The following CFAP54 variants were observed in gnomAD, a reference collection of about 807,000 sequenced individuals.
CFAP54 encodes the protein cilia and flagella associated protein 54.
In CFAP54, 290 loss-of-function variants were observed where a neutral mutation model predicts 370.4. That is an observed-to-expected ratio of 0.78 (90% CI 0.71 to 0.86). The LOEUF (loss-of-function observed/expected upper bound fraction) is 0.86, where lower values mean the gene tolerates loss of function less well. Among genes scored for constraint, CFAP54 ranks in the 40% least tolerant of loss-of-function variants. The pLI, the probability that CFAP54 is intolerant of heterozygous loss-of-function variation, is 0.00. For missense variants in CFAP54, 3,399 were observed against 3,528.7 expected (o/e 0.96, Z 0.93); for synonymous variants, 1,206 against 1,236.5 (o/e 0.98, Z 0.52).
At chr12:96,492,181 A>G (rs905082938) in intron 1 of CFAP54, among the ~76,000 whole-genome samples, 2 of 152,170 alleles carry the variant, frequency 1.3e-5, no homozygotes, top group Non-Finnish European at 2.9e-5. Context: ...TCTCCAATCT[A>G]TCCTTCACCT....
At chr12:96,611,511 C>A (rs1956358112) in intron 26 of CFAP54, among the ~76,000 whole-genome samples, 1 of 152,212 alleles carries the variant, frequency 6.6e-6, no homozygotes, top group African/African-American at 2.4e-5. Context: ...CAGCTCCTCA[C>A]CAGCAGTGGA....
chr12:96,545,059 G>T (rs1011936803), intron 14 of CFAP54, among the ~76,000 whole-genome samples: 1 of 152,022 alleles, frequency 6.6e-6, no homozygotes, highest in African/African-American at 2.4e-5. Context: ...TTACAGGCAT[G>T]AGCCACCACA....
intron 17 of CFAP54, among the ~76,000 whole-genome samples, chr12:96,555,370 C>T (rs1049702142): frequency 1.6e-4 from 25 of 151,588 alleles, no homozygotes; most frequent in African/African-American, 5.8e-4. Context: ...AGTGTAGACA[C>T]ACTGCTGATT....
At chr12:96,647,574 A>C (rs1956810572) in intron 33 of CFAP54, among the ~76,000 whole-genome samples, 1 of 150,636 alleles carries the variant, frequency 6.6e-6, no homozygotes. Flanking sequence ...AGGTGGTTTT[A>C]AGTTGAAATA....
chr12:96,657,853 CA>C (rs1300674758), intron 36 of CFAP54, 28 bp from the exon 37 acceptor site: 3 of 1,321,404 alleles, frequency 2.3e-6, no homozygotes, highest in East Asian at 2.6e-5. Context: ...TGAAATTACA[CA>C]TTTTTTTTTT....
intron 63 of CFAP54, among the ~76,000 whole-genome samples, chr12:96,808,662 G>T (rs1978347): frequency 6.6e-6 from 1 of 151,980 alleles, no homozygotes; most frequent in African/African-American, 2.4e-5. Context: ...TCAAAAACAC[G>T]TGTGAGCCCA....
At chr12:96,724,374 G>A (rs1193664064) in intron 50 of CFAP54, among the ~76,000 whole-genome samples, 2 of 151,864 alleles carry the variant, frequency 1.3e-5, no homozygotes, top group Non-Finnish European at 2.9e-5. Flanking sequence ...CATTCTAACT[G>A]GTGTGAGATG....
intron 39 of CFAP54, among the ~76,000 whole-genome samples, chr12:96,678,849 C>T (rs996914764): frequency 6.6e-6 from 1 of 152,172 alleles, no homozygotes; most frequent in African/African-American, 2.4e-5. Flanking sequence ...TTCCAACTTA[C>T]CATGTAAGTT....
chr12:96,720,341 A>G (rs1957733845), intron 49 of CFAP54, 64 bp from the exon 50 acceptor site: 2 of 1,257,774 alleles, frequency 1.6e-6, no homozygotes, highest in African/African-American at 3.1e-5. Context: ...TATTTGCTAA[A>G]GAAGAAAGAG....
chr12:96,606,967 T>C (rs759150005), intron 26 of CFAP54, among the ~76,000 whole-genome samples: 13 of 152,244 alleles, frequency 8.5e-5, no homozygotes, highest in Admixed American at 4.6e-4. Flanking sequence ...GGAAGAATGC[T>C]GTGTAGGTGA....
intron 9 of CFAP54, among the ~76,000 whole-genome samples, chr12:96,528,440 T>C (rs948240326): frequency 2.0e-5 from 3 of 152,150 alleles, no homozygotes; most frequent in Admixed American, 6.5e-5. Flanking sequence ...GCTCACAAGG[T>C]CATATTAGCC....
At chr12:96,610,242 T>C (rs1021616164) in intron 26 of CFAP54, among the ~76,000 whole-genome samples, 7 of 152,194 alleles carry the variant, frequency 4.6e-5, no homozygotes, top group Admixed American at 3.9e-4. Flanking sequence ...TAATGAAAGG[T>C]GCTGGTATAA....
intron 60 of CFAP54, among the ~76,000 whole-genome samples, chr12:96,783,476 T>C (rs138982090): frequency 1.3e-5 from 2 of 152,366 alleles, no homozygotes; most frequent in African/African-American, 4.8e-5. Flanking sequence ...GAAATAATCA[T>C]ATTGTTTTCA....
chr12:96,551,973 G>A (rs1031754403), intron 15 of CFAP54, among the ~76,000 whole-genome samples: 1 of 152,096 alleles, frequency 6.6e-6, no homozygotes, highest in African/African-American at 2.4e-5. Flanking sequence ...TGGGCTGGGC[G>A]TGGTGGCTCA....
chr12:96,850,659 A>G (rs1443773537), intron 66 of CFAP54, among the ~76,000 whole-genome samples: 1 of 152,146 alleles, frequency 6.6e-6, no homozygotes, highest in African/African-American at 2.4e-5. Context: ...TCACACTGCT[A>G]TAAAGATACT....
intron 40 of CFAP54, among the ~76,000 whole-genome samples, chr12:96,681,614 G>A (rs529868504): frequency 6.6e-6 from 1 of 151,830 alleles, no homozygotes; most frequent in South Asian, 2.1e-4. Context: ...TGCCCAGGCT[G>A]GAGTGCAGTG....
At chr12:96,852,243 G>T (rs1310072513) in intron 66 of CFAP54, among the ~76,000 whole-genome samples, 1 of 152,064 alleles carries the variant, frequency 6.6e-6, no homozygotes, top group Admixed American at 6.5e-5. Flanking sequence ...GCATGAGATT[G>T]CTGTAAGTAT....
Position 96,595,346 on chromosome 12 carries a change from A to T in CFAP54, c.3516+900A>T, listed in dbSNP as rs763478073. On this transcript the variant is annotated intron_variant, in intron 25 of 67. Transcript: ENST00000524981. ...TCAAGGGGAAGGAATCATACAGGGC[A>T]TGTACACCAGGGGGAAGAATCTTGG... is the stretch of plus-strand genomic sequence containing the variant. Among the ~76,000 whole-genome samples, 8 of 152,234 alleles carry T rather than the reference A, an allele frequency of 5.3e-5. No individual in the cohort carries two copies. In the East Asian group the frequency reaches 1.2e-3, roughly 22 times the overall value.
chr12:96,710,301 G>C lies in CFAP54; in HGVS notation c.6724+1498G>C, dbSNP rs140539971. On this transcript the variant is annotated intron_variant, in intron 48 of 67. Coordinates refer to ENST00000524981, the MANE Select transcript of CFAP54 (RefSeq NM_001306084.2). ...AGGGAACACAGGAGAGCTTGGCTGCGTCTCAGGAGGCAGAGGGCAGTGCAG... is the reference window on the plus strand; with the variant it reads ...AGGGAACACAGGAGAGCTTGGCTGCCTCTCAGGAGGCAGAGGGCAGTGCAG... Among the ~76,000 whole-genome samples, 26 of 152,332 alleles carry C rather than the reference G, an allele frequency of 1.7e-4. No individual in the cohort carries two copies. The East Asian group carries it at 2.7e-3, about 16-fold the overall frequency.
Sources: gnomAD v4.1 joint callset for allele counts (sites outside exome capture counted in the v4.1 genomes callset) on GRCh38, gnomAD v4.1.1 for gene constraint, MANE v1.5 for transcripts, NCBI Gene and HGNC (gene_info 2026-07-23, HGNC 2026-07-21) for gene names.